ENOX1: variants seen among roughly 807,000 people sequenced by gnomAD.
ENOX1 encodes ecto-NOX disulfide-thiol exchanger 1, also known as candidate growth-related and time keeping constitutive hydroquinone (NADH) oxidase.
Under a neutral mutation model 82.5 loss-of-function variants are expected in ENOX1, and 42 were observed. The observed-to-expected ratio is 0.51, with a 90% CI of 0.40 to 0.66. ENOX1 has a LOEUF of 0.66. Ranked by LOEUF, ENOX1 falls within the 30% of genes least tolerant of loss-of-function variation. ENOX1 has a pLI of 0.00. For missense variants in ENOX1, 608 were observed against 811.6 expected, an observed-to-expected ratio of 0.75 and a Z score of 3.05; for synonymous variants, 271 against 282.2, an observed-to-expected ratio of 0.96 and a Z score of 0.40.
intron 2 of ENOX1, among the ~76,000 whole-genome samples, chr13:43,598,805 A>ATT (rs11413911): frequency 6.6e-6 from 1 of 151,946 alleles, no homozygotes; most frequent in Non-Finnish European, 1.5e-5. Context: ...GAAAGTAAAA[A>ATT]TTTTTTTTAG....
chr13:43,586,426 G>C (rs2080985599), intron 2 of ENOX1, among the ~76,000 whole-genome samples: 1 of 152,090 alleles, frequency 6.6e-6, no homozygotes, highest in African/African-American at 2.4e-5. Flanking sequence ...CTGTGCCTTT[G>C]TCTGCTGTTC....
At chr13:43,380,560 G>A (rs1314157474) in intron 5 of ENOX1, among the ~76,000 whole-genome samples, 1 of 151,532 alleles carries the variant, frequency 6.6e-6, no homozygotes, top group Non-Finnish European at 1.5e-5. Context: ...CAATCACACT[G>A]ATAATCATAT....
Position 43,616,178 on chromosome 13 carries a change from C to CTA in ENOX1, c.-219+51299_-219+51300dup, listed in dbSNP as rs1566642064. On this transcript the variant is annotated intron_variant, in intron 2 of 16. Coordinates refer to ENST00000690772, the MANE Select transcript of ENOX1 (RefSeq NM_001347969.2). The stretch of plus-strand genomic sequence containing the variant: ...GATAGATATCTATCTATCTATCTAT[C>CTA]TATCTATCTATATATATATATATAT... Among the ~76,000 whole-genome samples, 2 of 6,570 alleles carry CTA rather than the reference C, an allele frequency of 3.0e-4. 1 individual carries two copies. The highest frequency in any genetic ancestry group is 0.043 in the East Asian group (2 of 46). 4.3% of individuals were successfully genotyped at this position (6,570 alleles called of 152,430 possible).
In ENOX1 at chr13:43,706,677, G is replaced by A. The variant is rs1292491268; in HGVS notation, c.-284-39133C>T. 2.0e-5 allele frequency among the ~76,000 whole-genome samples: 3 copies of A among 146,824 alleles called. No homozygotes were observed. The East Asian group carries it at 6.0e-4, about 29-fold the overall frequency. On this transcript the variant is annotated intron_variant, in intron 1 of 16. Coordinates refer to ENST00000690772, the MANE Select transcript of ENOX1 (RefSeq NM_001347969.2). ...ATGATCATTGTAAGAGATATAGAAA[G>A]GACATTTTACAAAATTGAGCACATG...
chr13:43,230,726 G>A (rs1349988716), intron 15 of ENOX1, among the ~76,000 whole-genome samples: 2 of 152,036 alleles, frequency 1.3e-5, no homozygotes, highest in Non-Finnish European at 2.9e-5. Context: ...CTCCCCCACC[G>A]CTCAGGGCTG....
At chr13:43,307,264 T>C (rs1215921714) in intron 11 of ENOX1, among the ~76,000 whole-genome samples, 6 of 152,218 alleles carry the variant, frequency 3.9e-5, no homozygotes, top group Non-Finnish European at 5.9e-5. Flanking sequence ...TCTAAATGTA[T>C]AACCAAGGTG....
intron 5 of ENOX1, among the ~76,000 whole-genome samples, chr13:43,399,798 T>G (rs529203698): frequency 1.3e-5 from 2 of 152,148 alleles, no homozygotes; most frequent in South Asian, 4.2e-4. Context: ...AAGGAAAAAT[T>G]TTTTCTCCTG....
intron 9 of ENOX1, among the ~76,000 whole-genome samples, chr13:43,332,414 T>C (rs145058641): frequency 6.6e-6 from 1 of 152,144 alleles, no homozygotes; most frequent in Non-Finnish European, 1.5e-5. Flanking sequence ...CTCACTCACC[T>C]GGTGCTCACT....
At chr13:43,719,546 A>G (rs2088417925) in intron 1 of ENOX1, among the ~76,000 whole-genome samples, 1 of 152,148 alleles carries the variant, frequency 6.6e-6, no homozygotes, top group Non-Finnish European at 1.5e-5. Flanking sequence ...ATCACACGCG[A>G]AATTCTAGAA....
chr13:43,526,745 A>T (rs2078005725), intron 2 of ENOX1, among the ~76,000 whole-genome samples: 1 of 152,122 alleles, frequency 6.6e-6, no homozygotes. Flanking sequence ...CTTAACTTGG[A>T]ATCATTATTT....
intron 1 of ENOX1, among the ~76,000 whole-genome samples, chr13:43,778,858 G>C (rs76886014): frequency 1.3e-5 from 2 of 152,156 alleles, no homozygotes; most frequent in Admixed American, 1.3e-4. Context: ...AACAGGACGA[G>C]GTGGAGGGCT....
intron 3 of ENOX1, among the ~76,000 whole-genome samples, chr13:43,481,211 C>G (rs767004827): frequency 2.0e-5 from 3 of 152,160 alleles, no homozygotes; most frequent in Non-Finnish European, 4.4e-5. Flanking sequence ...ACAACAAACT[C>G]TCTATATATT....
intron 14 of ENOX1, among the ~76,000 whole-genome samples, chr13:43,258,132 G>A (rs2043854446): frequency 6.6e-6 from 1 of 152,210 alleles, no homozygotes; most frequent in African/African-American, 2.4e-5. Flanking sequence ...TGTCTGGGAA[G>A]GAAACTTCTC....
intron 12 of ENOX1, among the ~76,000 whole-genome samples, chr13:43,293,811 A>G (rs2046143222): frequency 6.6e-6 from 1 of 152,210 alleles, no homozygotes; most frequent in Non-Finnish European, 1.5e-5. Context: ...CATCTGACAA[A>G]ACTAACTGGG....
At chr13:43,242,360 C>T (rs1003206733) in intron 14 of ENOX1, among the ~76,000 whole-genome samples, 8 of 152,232 alleles carry the variant, frequency 5.3e-5, no homozygotes, top group African/African-American at 1.7e-4. Context: ...TACTCTCTTC[C>T]TCCTCTTCTC....
intron 11 of ENOX1, among the ~76,000 whole-genome samples, chr13:43,313,427 T>G (rs1172838267): frequency 6.6e-6 from 1 of 152,228 alleles, no homozygotes; most frequent in Non-Finnish European, 1.5e-5. Flanking sequence ...TTACTATTCC[T>G]TACTATTCTT....
intron 5 of ENOX1, among the ~76,000 whole-genome samples, chr13:43,374,564 TAAGTA>T (rs2153570275): frequency 6.6e-6 from 1 of 152,342 alleles, no homozygotes; most frequent in African/African-American, 2.4e-5. Flanking sequence ...CATTTTCAAT[TAAGTA>T]TTTTCTGCCC....
At chr13:43,319,381 T>C (rs904111137) in intron 11 of ENOX1, among the ~76,000 whole-genome samples, 36 of 152,096 alleles carry the variant, frequency 2.4e-4, no homozygotes, top group African/African-American at 8.7e-4. Context: ...ATATTGCAAA[T>C]TATTATATAT....
chr13:43,446,832 G>A (rs564246150), intron 3 of ENOX1, among the ~76,000 whole-genome samples: 22 of 152,284 alleles, frequency 1.4e-4, no homozygotes, highest in Non-Finnish European at 2.5e-4. Flanking sequence ...CATCCTGGGG[G>A]CACAGTACTC....
Sources: gnomAD v4.1 joint callset for allele counts (sites outside exome capture counted in the v4.1 genomes callset) on GRCh38, gnomAD v4.1.1 for gene constraint, MANE v1.5 for transcripts, NCBI Gene and HGNC (gene_info 2026-07-23, HGNC 2026-07-21) for gene names.